Variants in C10orf90 observed in about 807,000 individuals in gnomAD.
The protein encoded by C10orf90 is (E2-independent) E3 ubiquitin-conjugating enzyme FATS.
Under a neutral mutation model 62.5 loss-of-function variants are expected in C10orf90, and 56 were observed. The observed-to-expected ratio is 0.90, with a 90% CI of 0.72 to 1.12. C10orf90 has a LOEUF of 1.12. Ranked by LOEUF, C10orf90 falls within the 50% of genes most tolerant of loss-of-function variation. The probability of loss-of-function intolerance (pLI) is 0.00; values close to 1 mark genes in which losing one functional copy is unlikely to be tolerated. For missense variants in C10orf90, 970 were observed against 880.4 expected (o/e 1.10, Z -1.29); for synonymous variants, 386 against 340.4 (o/e 1.13, Z -1.47).
At chr10:126,551,113 A>G (rs1210918997) in intron 2 of C10orf90, among the ~76,000 whole-genome samples, 2 of 152,278 alleles carry the variant, frequency 1.3e-5, no homozygotes, top group Non-Finnish European at 2.9e-5. Context: ...CCTGGATTTA[A>G]GTCCTTGGCT....
chr10:126,439,313 T>A (rs964082011), intron 7 of C10orf90, among the ~76,000 whole-genome samples: 5 of 152,258 alleles, frequency 3.3e-5, no homozygotes, highest in Admixed American at 3.3e-4. Flanking sequence ...AAAGGATGAC[T>A]TTTTTCCCCC....
chr10:126,489,908 A>G (rs2133830909), intron 4 of C10orf90, among the ~76,000 whole-genome samples: 1 of 144,554 alleles, frequency 6.9e-6, no homozygotes, highest in Admixed American at 7.3e-5. Flanking sequence ...TAATACATAT[A>G]CATGCATACA....
At chr10:126,448,017 CTTTTTTTTTTTTTT>C (rs1186409126) in intron 7 of C10orf90, among the ~76,000 whole-genome samples, 3 of 79,202 alleles carry the variant, frequency 3.8e-5, no homozygotes, top group Non-Finnish European at 4.6e-5. Flanking sequence ...ATGCCTGGCT[CTTTTTTTTTTTTTT>C]TTTTTTTTTT....
chr10:126,606,882 C>G (rs992888649), intron 2 of C10orf90, among the ~76,000 whole-genome samples: 1 of 152,166 alleles, frequency 6.6e-6, no homozygotes, highest in Non-Finnish European at 1.5e-5. Flanking sequence ...CTCATGACAT[C>G]AGACAATAGC....
chr10:126,576,434 T>A (rs1015242405), intron 2 of C10orf90, among the ~76,000 whole-genome samples: 2 of 151,976 alleles, frequency 1.3e-5, no homozygotes, highest in African/African-American at 4.8e-5. Flanking sequence ...CTGGTGAGGA[T>A]GTAGAGAAAA....
chr10:126,577,134 T>A (rs1844643886), intron 2 of C10orf90, among the ~76,000 whole-genome samples: 1 of 151,944 alleles, frequency 6.6e-6, no homozygotes, highest in Non-Finnish European at 1.5e-5. Flanking sequence ...TTTAAATAGC[T>A]GGGAGGATAT....
intron 2 of C10orf90, among the ~76,000 whole-genome samples, chr10:126,579,098 C>G (rs139414637): frequency 6.6e-6 from 1 of 151,700 alleles, no homozygotes; most frequent in Admixed American, 6.6e-5. Flanking sequence ...CAGCTCTGCT[C>G]TTATGGGTAG....
intron 4 of C10orf90, among the ~76,000 whole-genome samples, chr10:126,482,414 C>T (rs2133807243): frequency 6.6e-6 from 1 of 152,296 alleles, no homozygotes; most frequent in East Asian, 1.9e-4. Context: ...TTCACATGAC[C>T]CTCAAGGCCT....
At chr10:126,508,271 C>T (rs1862893419) in intron 3 of C10orf90, among the ~76,000 whole-genome samples, 1 of 151,752 alleles carries the variant, frequency 6.6e-6, no homozygotes, top group South Asian at 2.1e-4. Flanking sequence ...CTAGGTTGCT[C>T]AGGATCTATG....
intron 1 of C10orf90, among the ~76,000 whole-genome samples, chr10:126,661,334 T>G (rs986089494): frequency 2.0e-5 from 3 of 152,224 alleles, no homozygotes; most frequent in African/African-American, 4.8e-5. Context: ...GTTATCTCTT[T>G]TAATGCCCCC....
chr10:126,545,103 G>A (rs1032593512), intron 2 of C10orf90, among the ~76,000 whole-genome samples: 1 of 152,162 alleles, frequency 6.6e-6, no homozygotes. Flanking sequence ...CAGGTCATGC[G>A]TAATGCACCC....
rs553313960 is a variant in C10orf90 at position 126,563,004 on chromosome 10, A to G, written c.314-49065T>C. Among the ~76,000 whole-genome samples, 78 of 152,286 alleles carry G rather than the reference A, an allele frequency of 5.1e-4. 2 individuals are homozygous for G. The highest frequency in any genetic ancestry group is 1.5e-3 in the African/African-American group (62 of 41,542). On this transcript the variant is annotated intron_variant, in intron 2 of 9. Transcript: ENST00000488181. The stretch of plus-strand genomic sequence containing the variant: ...GAGGGACCCACGTACATTGCTTTCC[A>G]TGGCTGTGCAGGTGACATCACACAT...
chr10:126,550,223 T>C (rs774984563), intron 2 of C10orf90, among the ~76,000 whole-genome samples: 1 of 152,142 alleles, frequency 6.6e-6, no homozygotes, highest in Non-Finnish European at 1.5e-5. Context: ...CTGAAAGTGC[T>C]GGAATTACAG....
intron 2 of C10orf90, among the ~76,000 whole-genome samples, chr10:126,516,565 A>G (rs536790243): frequency 2.2e-4 from 33 of 152,362 alleles, no homozygotes; most frequent in African/African-American, 7.9e-4. Context: ...ACCAGCCCTT[A>G]GTGCAATGCT....
intron 7 of C10orf90, among the ~76,000 whole-genome samples, chr10:126,451,134 A>G (rs548993116): frequency 6.6e-6 from 1 of 152,358 alleles, no homozygotes; most frequent in South Asian, 2.1e-4. Context: ...TAAAACTGCA[A>G]TGAGCTAGCA....
At chr10:126,484,789 T>C (rs923254138) in intron 4 of C10orf90, among the ~76,000 whole-genome samples, 1 of 152,154 alleles carries the variant, frequency 6.6e-6, no homozygotes, top group African/African-American at 2.4e-5. Context: ...TTATTTATAA[T>C]GGTGAAAAAA....
chr10:126,425,899 A>G lies in C10orf90; in HGVS notation c.2356T>C (p.Leu786=). ...TTCCTTTGAAGGAGCTGGTCCAGTAATTGCTAGAGGAAAAGGGAAACAAAG... is the reference window on the plus strand; with the variant it reads ...TTCCTTTGAAGGAGCTGGTCCAGTAGTTGCTAGAGGAAAAGGGAAACAAAG... ...RLRAEVFKKQ[L]LDQLLQRNAV Residue 786 remains leucine, a synonymous_variant, in exon 10 of 10, where the codon TTA becomes CTA. Transcript: ENST00000488181. The G allele has an allele frequency of 6.2e-7, 1 of 1,614,076 alleles. No individual in the cohort carries two copies. The highest frequency in any genetic ancestry group is 8.5e-7 in the Non-Finnish European group (1 of 1,180,006).
At chr10:126,462,367 T>C (rs1182433576) in intron 5 of C10orf90, among the ~76,000 whole-genome samples, 1 of 151,898 alleles carries the variant, frequency 6.6e-6, no homozygotes, top group African/African-American at 2.4e-5. Context: ...TCTCCCTCAC[T>C]CCTCACCCAC....
intron 7 of C10orf90, among the ~76,000 whole-genome samples, chr10:126,433,619 G>A (rs573915891): frequency 2.6e-5 from 4 of 152,160 alleles, no homozygotes; most frequent in Non-Finnish European, 2.9e-5. Context: ...CATCTTCCCC[G>A]GCCTGGCGCA....
Sources: gnomAD v4.1 joint callset for allele counts (sites outside exome capture counted in the v4.1 genomes callset) on GRCh38, gnomAD v4.1.1 for gene constraint, MANE v1.5 for transcripts, NCBI Gene and HGNC (gene_info 2026-07-23, HGNC 2026-07-21) for gene names.